L3MBTL3: variants seen among roughly 807,000 people sequenced by gnomAD.
L3MBTL3 encodes lethal(3)malignant brain tumor-like protein 3.
In L3MBTL3, 27 loss-of-function variants were observed where a neutral mutation model predicts 102.3. The ratio of observed to expected loss-of-function variants is 0.26; its 90% confidence interval spans 0.19 to 0.36. The LOEUF is 0.36. Ranked by LOEUF, L3MBTL3 falls within the 10% of genes least tolerant of loss-of-function variation. The probability of loss-of-function intolerance (pLI) is 1.00; values close to 1 mark genes in which losing one functional copy is unlikely to be tolerated. For missense variants in L3MBTL3, 798 were observed against 955.3 expected, an observed-to-expected ratio of 0.84 and a Z score of 2.17; for synonymous variants, 340 against 320.9, an observed-to-expected ratio of 1.06 and a Z score of -0.64.
intron 19 of L3MBTL3, among the ~76,000 whole-genome samples, chr6:130,108,655 TG>T (rs1054555267): frequency 6.6e-6 from 1 of 151,914 alleles, no homozygotes; most frequent in Non-Finnish European, 1.5e-5. Context: ...TTTTTTTTGG[TG>T]GGGGGAGGAT....
At chr6:130,026,372 G>T (rs13209574) in intron 2 of L3MBTL3, among the ~76,000 whole-genome samples, 15,164 of 152,070 alleles carry the variant, frequency 0.1, 817 homozygotes, top group African/African-American at 0.12. Flanking sequence ...CATGCAGTTT[G>T]AAAGGGGTGG....
intron 18 of L3MBTL3, among the ~76,000 whole-genome samples, chr6:130,096,460 A>C (rs1232000272): frequency 6.6e-6 from 1 of 152,224 alleles, no homozygotes; most frequent in Non-Finnish European, 1.5e-5. Context: ...AAATACTAAC[A>C]GTATGTTGTT....
intron 19 of L3MBTL3, among the ~76,000 whole-genome samples, chr6:130,117,154 G>A (rs1785765517): frequency 9.1e-6 from 1 of 110,402 alleles, no homozygotes; most frequent in African/African-American, 3.6e-5. Context: ...CCCAGAGTGT[G>A]ATATTCCCCT....
At chr6:130,114,563 T>A (rs1280469415) in intron 19 of L3MBTL3, among the ~76,000 whole-genome samples, 2 of 152,230 alleles carry the variant, frequency 1.3e-5, no homozygotes, top group Non-Finnish European at 2.9e-5. Flanking sequence ...GTTATCTTGG[T>A]AATACCCACC....
chr6:130,025,352 T>A (rs1417416612), intron 2 of L3MBTL3, among the ~76,000 whole-genome samples: 4 of 152,206 alleles, frequency 2.6e-5, no homozygotes, highest in Non-Finnish European at 5.9e-5. Flanking sequence ...ATCTCTTTAC[T>A]GTATTAAATT....
chr6:130,127,836 CCTG>C (rs1786718707), intron 20 of L3MBTL3, among the ~76,000 whole-genome samples: 2 of 152,036 alleles, frequency 1.3e-5, no homozygotes, highest in East Asian at 3.8e-4. Flanking sequence ...TTATTTAATA[CCTG>C]CTGCTAGTTT....
intron 2 of L3MBTL3, among the ~76,000 whole-genome samples, chr6:130,030,749 T>C (rs1353854856): frequency 6.6e-6 from 1 of 151,896 alleles, no homozygotes; most frequent in Non-Finnish European, 1.5e-5. Flanking sequence ...TTAAGTTGTC[T>C]TCTAGGTTGA....
chr6:130,128,463 GGGGAGTGGT>G (rs2114367280), intron 20 of L3MBTL3, among the ~76,000 whole-genome samples: 1 of 152,174 alleles, frequency 6.6e-6, no homozygotes, highest in African/African-American at 2.4e-5. Context: ...GGACATATTG[GGGGAGTGGT>G]GGTGGGTGTG....
Position 130,051,375 on chromosome 6 carries a change from G to T in L3MBTL3, c.416G>T (p.Cys139Phe). ...VDECLSGGNY[C>F]SQNCARHIKD... is the part of the protein sequence containing the mutation. ...GAGTGTCTTTCTGGAGGAAACTATT[G>T]CAGCCAGAATTGTGCTCGGCACATC... Residue 139 changes from cysteine (C) to phenylalanine (F), a missense_variant, in exon 6 of 23, where the codon TGC (cysteine) becomes TTC (phenylalanine). Cys to Phe is a radical substitution (Grantham distance 205). Coordinates refer to ENST00000361794, the MANE Select transcript of L3MBTL3 (RefSeq NM_032438.4). 1 of 1,614,070 alleles carries T rather than the reference G, an allele frequency of 6.2e-7. No individual in the cohort carries two copies. The highest frequency in any genetic ancestry group is 1.1e-5 in the South Asian group (1 of 91,080).
chr6:130,098,096 C>G (rs1218364147), intron 18 of L3MBTL3, among the ~76,000 whole-genome samples: 1 of 152,058 alleles, frequency 6.6e-6, no homozygotes, highest in African/African-American at 2.4e-5. Context: ...TTCTGCACAT[C>G]AAGTGCCTTC....
chr6:130,132,891 GT>G (rs1428847387), intron 20 of L3MBTL3, among the ~76,000 whole-genome samples: 5 of 151,958 alleles, frequency 3.3e-5, no homozygotes, highest in African/African-American at 1.2e-4. Flanking sequence ...CATTTCTGCT[GT>G]TTTATTTTTA....
intron 19 of L3MBTL3, among the ~76,000 whole-genome samples, chr6:130,118,717 A>AGT (rs1484307133): frequency 6.6e-6 from 1 of 152,214 alleles, no homozygotes; most frequent in Non-Finnish European, 1.5e-5. Context: ...AATTTAATGA[A>AGT]GTGTCATGAG....
intron 2 of L3MBTL3, among the ~76,000 whole-genome samples, chr6:130,025,699 GAT>G (rs963351960): frequency 2.6e-5 from 4 of 152,064 alleles, no homozygotes; most frequent in African/African-American, 9.7e-5. Context: ...TTATAAGAAT[GAT>G]ATGTATATTA....
chr6:130,062,939 T>C (rs1244146285), intron 10 of L3MBTL3, among the ~76,000 whole-genome samples: 1 of 151,906 alleles, frequency 6.6e-6, no homozygotes, highest in African/African-American at 2.4e-5. Flanking sequence ...CCTTTTCATA[T>C]TAATTTTCTC....
intron 9 of L3MBTL3, among the ~76,000 whole-genome samples, chr6:130,058,770 G>C (rs1167973044): frequency 6.6e-6 from 1 of 152,232 alleles, no homozygotes; most frequent in African/African-American, 2.4e-5. Flanking sequence ...GTTCCAGTAA[G>C]ATTGTTTACA....
At chr6:130,020,764 A>G (rs978815252) in intron 1 of L3MBTL3, 1 of 149,266 alleles carries the variant, frequency 6.7e-6, no homozygotes, top group Non-Finnish European at 1.5e-5. Context: ...AGGGGACCCG[A>G]AAAACGGAGT....
chr6:130,086,244 G>C lies in L3MBTL3; in HGVS notation c.1512G>C (p.Arg504=). Residue 504 remains arginine, a synonymous_variant, in exon 16 of 23, where the codon CGG becomes CGC. Coordinates refer to ENST00000361794, the MANE Select transcript of L3MBTL3 (RefSeq NM_032438.4). ...VATVADTDDH[R]VKVHFDGWNN... Reference sequence around the variant, plus strand: ...CTGTGGCAGACACAGATGATCACCGGGTAAAAGTAAGTGTTCTGTGTGGGG... The same window carrying C: ...CTGTGGCAGACACAGATGATCACCGCGTAAAAGTAAGTGTTCTGTGTGGGG... 6.2e-7 allele frequency: 1 copy of C among 1,602,198 alleles called. No individual in the cohort carries two copies. Among genetic ancestry groups the C allele is most frequent in the East Asian group, 2.2e-5 (1 of 44,766 alleles).
In L3MBTL3 at chr6:130,052,937, A is replaced by T. The variant is rs760298861; in HGVS notation, c.528A>T (p.Lys176Asn). 2 of 1,613,818 alleles carry T rather than the reference A, an allele frequency of 1.2e-6. No individual in the cohort carries two copies. Among genetic ancestry groups the T allele is most frequent in the Non-Finnish European group, 1.7e-6 (2 of 1,179,814 alleles). The change falls in exon 7 of 23, where the codon AAA becomes AAT. Residue 176 changes from lysine to asparagine, a missense_variant. By Grantham distance (94) the Lys-to-Asn change is moderately conservative. Coordinates refer to ENST00000361794, the MANE Select transcript of L3MBTL3 (RefSeq NM_032438.4). ...DPKCSRKKKP[K>N]LSLKADTKED... is the part of the protein sequence containing the mutation. ...AGTGTAGTCGGAAGAAAAAACCAAA[A>T]TTATCTCTGAAAGCTGACACCAAGG...
chr6:130,057,396 T>G lies in L3MBTL3; in HGVS notation c.668-10T>G, dbSNP rs1487841086. ...GAAATTCTGTCATTTCCGTCTTGCT[T>G]GCCTTTCAGGTTTGCCTCCTAAAGG... On this transcript the variant is annotated splice_polypyrimidine_tract_variant and intron_variant, in intron 8 of 22. Transcript: ENST00000361794. 1 of 1,599,996 alleles carries G rather than the reference T, an allele frequency of 6.3e-7. No individual in the cohort carries two copies. The highest frequency in any genetic ancestry group is 1.3e-5 in the African/African-American group (1 of 74,824).
Sources: gnomAD v4.1 joint callset for allele counts (sites outside exome capture counted in the v4.1 genomes callset) on GRCh38, gnomAD v4.1.1 for gene constraint, MANE v1.5 for transcripts, NCBI Gene and HGNC (gene_info 2026-07-23, HGNC 2026-07-21) for gene names.